The following GPLD1 variants were observed in gnomAD, a reference collection of about 807,000 sequenced individuals.
The protein encoded by GPLD1 is glycosylphosphatidylinositol specific phospholipase D1.
GPLD1 carries 84 observed loss-of-function variants against 112.6 expected under a neutral mutation model. The ratio of observed to expected loss-of-function variants is 0.75; its 90% CI spans 0.63 to 0.89. The LOEUF (loss-of-function observed/expected upper bound fraction) is 0.89. Ranked by LOEUF, GPLD1 falls within the 40% of genes least tolerant of loss-of-function variation. The pLI is 0.00. For missense variants in GPLD1, 1,044 were observed against 1,051.5 expected, an observed-to-expected ratio of 0.99 and a Z score of 0.10; for synonymous variants, 386 against 403.8, an observed-to-expected ratio of 0.96 and a Z score of 0.53.
chr6:24,469,875 TGA>T (rs1430039849), intron 7 of GPLD1, among the ~76,000 whole-genome samples: 9 of 152,190 alleles, frequency 5.9e-5, no homozygotes, highest in African/African-American at 1.7e-4. Context: ...AAGAAACAAT[TGA>T]GAGACTCATT....
chr6:24,473,109 T>A (rs1763884003), intron 6 of GPLD1: 1 of 149,450 alleles, frequency 6.7e-6, no homozygotes, highest in Non-Finnish European at 1.5e-5. Context: ...TAAGAAAAAA[T>A]TATCTTTTAA....
At position 24,446,833 on chromosome 6, in the gene GPLD1, C is replaced by T; in HGVS notation, c.1820+5G>A. 2 of 1,613,050 alleles carry T rather than the reference C, an allele frequency of 1.2e-6. No homozygotes were observed. The highest frequency in any genetic ancestry group is 1.7e-6 in the Non-Finnish European group (2 of 1,179,484). Reference sequence around the variant, plus strand: ...ATGGTTCCCAGCCCCCAGCATCAGCCTCACCTGCTGGCATTCTTCCAGGTC... The same window carrying T: ...ATGGTTCCCAGCCCCCAGCATCAGCTTCACCTGCTGGCATTCTTCCAGGTC... On this transcript the variant is annotated splice_donor_5th_base_variant and intron_variant, in intron 18 of 24. Coordinates refer to ENST00000230036, the MANE Select transcript of GPLD1 (RefSeq NM_001503.4).
At chr6:24,473,863 GC>G (rs575097162) in intron 5 of GPLD1, among the ~76,000 whole-genome samples, 196 bp from the exon 6 acceptor site, 320 of 152,208 alleles carry the variant, frequency 2.1e-3, no homozygotes, top group African/African-American at 7.4e-3. Context: ...GGTAGCTCAC[GC>G]CTGTAATCCC....
chr6:24,493,182 T>C (rs1258572814), upstream of GPLD1, among the ~76,000 whole-genome samples: 2 of 152,198 alleles, frequency 1.3e-5, no homozygotes, highest in African/African-American at 4.8e-5. Context: ...GAGGCCTCAA[T>C]TGAATGATTT....
intron 24 of GPLD1, among the ~76,000 whole-genome samples, chr6:24,431,837 G>C (rs546859747): frequency 6.6e-5 from 10 of 152,148 alleles, no homozygotes; most frequent in African/African-American, 2.2e-4. Context: ...ACCCAGCCAA[G>C]GTTAAACTTT....
chr6:24,489,599 A>G (rs371677727), upstream of GPLD1: 523 of 1,582,616 alleles, frequency 3.3e-4, 5 homozygotes, highest in East Asian at 9.5e-3. Flanking sequence ...GTGCAGACCC[A>G]CCGCTTCTCT....
intron 12 of GPLD1, among the ~76,000 whole-genome samples, chr6:24,460,054 C>A (rs756120356): frequency 2.0e-5 from 3 of 152,182 alleles, no homozygotes; most frequent in Non-Finnish European, 4.4e-5. Context: ...ACAGCCATCA[C>A]ACCCAGCTAA....
At chr6:24,473,411 A>G (rs995710695) in intron 6 of GPLD1, 4 of 375,316 alleles carry the variant, frequency 1.1e-5, no homozygotes, top group African/African-American at 2.1e-5. Context: ...GAATTTTTTA[A>G]CAAAAAAATA....
chr6:24,433,943 T>G (rs1762488588), intron 22 of GPLD1, among the ~76,000 whole-genome samples: 1 of 152,068 alleles, frequency 6.6e-6, no homozygotes, highest in East Asian at 1.9e-4. Flanking sequence ...CAATGAAAAT[T>G]GGAAATGGCA....
intron 18 of GPLD1, among the ~76,000 whole-genome samples, chr6:24,446,560 C>T (rs1278486625): frequency 6.6e-6 from 1 of 152,136 alleles, no homozygotes; most frequent in Non-Finnish European, 1.5e-5. Flanking sequence ...CAGCCATCTG[C>T]AAGCCAAGGA....
Position 24,474,811 on chromosome 6 carries a change from G to A in GPLD1, c.441+310C>T, listed in dbSNP as rs560679329. Reference sequence around the variant, plus strand: ...AAAAATTAGCTAAGCATGGTGGCACGTGCCTGTAATCCCAGCTACTCAGGA... The same window carrying A: ...AAAAATTAGCTAAGCATGGTGGCACATGCCTGTAATCCCAGCTACTCAGGA... On this transcript the variant is annotated intron_variant, in intron 5 of 24. Coordinates refer to ENST00000230036, the MANE Select transcript of GPLD1 (RefSeq NM_001503.4). 1.2e-4 allele frequency among the ~76,000 whole-genome samples: 19 copies of A among 152,170 alleles called. No homozygotes were observed. In the East Asian group the frequency reaches 2.9e-3, roughly 23 times the overall value.
upstream of GPLD1, among the ~76,000 whole-genome samples, chr6:24,490,553 C>T (rs1483443510): frequency 6.6e-6 from 1 of 151,974 alleles, no homozygotes; most frequent in Non-Finnish European, 1.5e-5. Context: ...GAGTTTGAGA[C>T]CAGCGTGATC....
At chr6:24,460,569 A>T (rs1242432693) in intron 11 of GPLD1, among the ~76,000 whole-genome samples, 170 bp from the exon 12 acceptor site, 2 of 152,104 alleles carry the variant, frequency 1.3e-5, no homozygotes, top group African/African-American at 4.8e-5. Flanking sequence ...CATTTCACAA[A>T]ATCTTTTAGT....
intron 14 of GPLD1, among the ~76,000 whole-genome samples, chr6:24,453,074 A>C (rs559448475): frequency 2.0e-5 from 3 of 151,118 alleles, no homozygotes; most frequent in African/African-American, 7.3e-5. Flanking sequence ...ACTTTCCAGG[A>C]CCCTAGCGCT....
intron 18 of GPLD1, 141 bp downstream of exon 18, chr6:24,446,697 A>G (rs1057291056): frequency 7.2e-6 from 5 of 692,282 alleles, no homozygotes; most frequent in Non-Finnish European, 1.1e-5. Flanking sequence ...AGAATTTGCA[A>G]TCTTGCCCAG....
chr6:24,472,516 A>T (rs1763857622), intron 7 of GPLD1, 66 bp downstream of exon 7: 4 of 889,366 alleles, frequency 4.5e-6, no homozygotes, highest in Admixed American at 2.0e-5. Flanking sequence ...TATATTTTCT[A>T]AGAAAAAAAG....
Position 24,462,653 on chromosome 6 carries a change from C to T in GPLD1, c.887+77G>A, listed in dbSNP as rs573865372. ...CCTACAGCTGTCTCTCAACAGATCC[C>T]GTGTTCTCAACCTCTATAGGGCATC... On this transcript the variant is annotated intron_variant, in intron 11 of 24. Coordinates refer to ENST00000230036, the MANE Select transcript of GPLD1 (RefSeq NM_001503.4). 5.1e-5 allele frequency: 46 copies of T among 893,982 alleles called. 1 individual carries two copies. Among genetic ancestry groups the T allele is most frequent in the South Asian group, 3.8e-4 (28 of 73,718 alleles). 55.4% of individuals were successfully genotyped at this position (893,982 alleles called of 1,614,324 possible).
At chr6:24,433,562 A>AAATTTG in intron 22 of GPLD1, 173 bp from the exon 23 acceptor site, 1 of 518,846 alleles carries the variant, frequency 1.9e-6, no homozygotes, top group Non-Finnish European at 3.3e-6. Context: ...GCGTGATCTC[A>AAATTTG]GCTCACTGCA....
chr6:24,467,981 A>G (rs1424298523), intron 7 of GPLD1, among the ~76,000 whole-genome samples: 1 of 151,870 alleles, frequency 6.6e-6, no homozygotes, highest in Admixed American at 6.6e-5. Flanking sequence ...ATCTCCGTTC[A>G]CCGCAACCTC....
Sources: gnomAD v4.1 joint callset for allele counts (sites outside exome capture counted in the v4.1 genomes callset) on GRCh38, gnomAD v4.1.1 for gene constraint, MANE v1.5 for transcripts, NCBI Gene and HGNC (gene_info 2026-07-23, HGNC 2026-07-21) for gene names.